Variants in NRXN1 observed in about 807,000 individuals in gnomAD.
NRXN1 encodes the protein neurexin-1.
NRXN1 carries 39 observed loss-of-function variants against 150.9 expected under a neutral mutation model. That is an observed-to-expected ratio of 0.26 (90% CI 0.20 to 0.34). NRXN1 has a LOEUF of 0.34. Among genes scored for constraint, NRXN1 ranks in the 10% least tolerant of loss-of-function variants. NRXN1 has a pLI of 1.00. For missense variants in NRXN1, 1,815 were observed against 1,949.9 expected (o/e 0.93, Z 1.30); for synonymous variants, 924 against 757.0 (o/e 1.22, Z -3.62).
rs1177754351 is a variant in NRXN1 at position 50,091,307 on chromosome 2, A to G, written c.3718+16T>C. ...TTTTCATAAAATCTTCCCCCGATACATATTCACTTGCTTACCTGCAGGGTA... is the reference window on the plus strand; with the variant it reads ...TTTTCATAAAATCTTCCCCCGATACGTATTCACTTGCTTACCTGCAGGGTA... On this transcript the variant is annotated intron_variant, in intron 19 of 22. Coordinates refer to ENST00000401669, the MANE Select transcript of NRXN1 (RefSeq NM_001330078.2). 5.0e-6 allele frequency: 8 copies of G among 1,613,840 alleles called. No individual in the cohort carries two copies. The highest frequency in any genetic ancestry group is 1.3e-5 in the African/African-American group (1 of 74,932).
chr2:50,133,039 T>C (rs749290980), intron 18 of NRXN1, among the ~76,000 whole-genome samples: 2 of 152,080 alleles, frequency 1.3e-5, no homozygotes, highest in African/African-American at 4.8e-5. Flanking sequence ...CCTTAGGAAG[T>C]GCAAGGGAGG....
chr2:49,991,737 C>A (rs556688102), intron 21 of NRXN1, among the ~76,000 whole-genome samples: 1 of 152,136 alleles, frequency 6.6e-6, no homozygotes, highest in African/African-American at 2.4e-5. Flanking sequence ...TGTTGACAAA[C>A]TGATTCTAAA....
rs1675609314 is a variant in NRXN1, at chr2:50,858,573, CT to C, written c.832+63295del. Among the ~76,000 whole-genome samples the C allele has an allele frequency of 2.1e-5, 3 of 139,672 alleles. No individual in the cohort carries two copies. In the South Asian group the frequency reaches 6.5e-4, roughly 30 times the overall value. The allele number at this position is 139,672 out of a possible 152,430, so 91.6% of individuals were successfully genotyped here. Reference sequence around the variant, plus strand: ...AAAAATACCACATATCAAAAGGCTACTTAAAAAAAAAATGCGGGTCTTTGCT... The same window carrying C: ...AAAAATACCACATATCAAAAGGCTACTAAAAAAAAAATGCGGGTCTTTGCT... On this transcript the variant is annotated intron_variant, in intron 5 of 22. Transcript: ENST00000401669.
At chr2:50,411,261 C>G (rs1476691736) in intron 17 of NRXN1, among the ~76,000 whole-genome samples, 1 of 152,164 alleles carries the variant, frequency 6.6e-6, no homozygotes, top group East Asian at 1.9e-4. Context: ...CTCCTGATGG[C>G]GAGTGATCTG....
chr2:50,016,305 C>T (rs993632366), intron 21 of NRXN1, among the ~76,000 whole-genome samples: 1 of 152,042 alleles, frequency 6.6e-6, no homozygotes, highest in Non-Finnish European at 1.5e-5. Flanking sequence ...ACTTAGGGGC[C>T]TTTCTTTGCG....
intron 2 of NRXN1, among the ~76,000 whole-genome samples, chr2:50,935,002 C>G (rs754063794): frequency 6.6e-6 from 1 of 152,086 alleles, no homozygotes; most frequent in Admixed American, 6.6e-5. Context: ...AATCTAATAT[C>G]GTCTTACTCT....
At chr2:49,985,833 AT>A (rs576696397) in intron 21 of NRXN1, among the ~76,000 whole-genome samples, 141 of 152,332 alleles carry the variant, frequency 9.3e-4, no homozygotes, top group African/African-American at 3.4e-3. Context: ...CAAAAAAAAA[AT>A]ATTCACTCAC....
At chr2:50,554,760 A>T (rs2105355467) in intron 8 of NRXN1, among the ~76,000 whole-genome samples, 1 of 152,302 alleles carries the variant, frequency 6.6e-6, no homozygotes, top group Non-Finnish European at 1.5e-5. Flanking sequence ...GTGCCAACTA[A>T]ATAAGTCACA....
chr2:50,602,630 G>C (rs1280411763), intron 8 of NRXN1, among the ~76,000 whole-genome samples: 3 of 151,434 alleles, frequency 2.0e-5, no homozygotes, highest in Non-Finnish European at 4.4e-5. Flanking sequence ...TGCCCCCTTT[G>C]CTCCCTTCTT....
intron 21 of NRXN1, among the ~76,000 whole-genome samples, chr2:50,018,211 G>T (rs1294623282): frequency 6.6e-6 from 1 of 152,060 alleles, no homozygotes. Context: ...TTCCCATAAA[G>T]CACCTCTAGC....
intron 15 of NRXN1, among the ~76,000 whole-genome samples, chr2:50,492,326 G>T (rs2091297650): frequency 6.6e-6 from 1 of 152,146 alleles, no homozygotes; most frequent in African/African-American, 2.4e-5. Flanking sequence ...CCTGAGAATC[G>T]AGCGGTGTCA....
At chr2:50,720,552 T>C (rs1184782622) in intron 5 of NRXN1, among the ~76,000 whole-genome samples, 2 of 152,180 alleles carry the variant, frequency 1.3e-5, no homozygotes, top group Admixed American at 6.5e-5. Flanking sequence ...TGCATTCCTA[T>C]CTACATCAAA....
At chr2:50,447,756 T>C (rs1410868379) in intron 17 of NRXN1, among the ~76,000 whole-genome samples, 1 of 109,018 alleles carries the variant, frequency 9.2e-6, no homozygotes, top group Non-Finnish European at 1.8e-5. Flanking sequence ...TATATATATA[T>C]ATATATATAT....
intron 18 of NRXN1, among the ~76,000 whole-genome samples, 171 bp from the exon 19 acceptor site, chr2:50,091,665 A>G (rs1197583804): frequency 3.3e-5 from 5 of 152,242 alleles, no homozygotes; most frequent in African/African-American, 1.2e-4. Flanking sequence ...ACATCTGGGT[A>G]AATTTAAGAC....
intron 19 of NRXN1, among the ~76,000 whole-genome samples, chr2:50,068,381 A>C (rs1274345041): frequency 8.6e-6 from 1 of 116,154 alleles, no homozygotes; most frequent in Non-Finnish European, 1.9e-5. Flanking sequence ...ATGAATTTAA[A>C]TTCCTAAAAT....
At chr2:50,259,015 A>T (rs1476176250) in intron 17 of NRXN1, among the ~76,000 whole-genome samples, 1 of 152,038 alleles carries the variant, frequency 6.6e-6, no homozygotes, top group Admixed American at 6.6e-5. Context: ...GGCAAAGCAC[A>T]TTTAGCATAA....
chr2:50,423,575 T>G (rs12713100), intron 17 of NRXN1, among the ~76,000 whole-genome samples: 37,677 of 152,016 alleles, frequency 0.25, 5,041 homozygotes, highest in East Asian at 0.39. Context: ...AGCGAGATAT[T>G]AATTTTTTTC....
At chr2:50,744,189 G>T (rs1387526904) in intron 5 of NRXN1, among the ~76,000 whole-genome samples, 1 of 151,992 alleles carries the variant, frequency 6.6e-6, no homozygotes, top group African/African-American at 2.4e-5. Flanking sequence ...TTACAAGAAG[G>T]AATAATAATA....
In NRXN1 at chr2:49,987,310, A is replaced by T. The variant is rs1681094303; in HGVS notation, c.4129-43519T>A. 2.0e-5 allele frequency among the ~76,000 whole-genome samples: 3 copies of T among 152,152 alleles called. No homozygotes were observed. The South Asian group carries it at 6.2e-4, about 32-fold the overall frequency. ...TTTGAAAATAATTTTGACCTCACTG[A>T]AAAGGTCTTACAACACTCCTTTCCC... is the stretch of plus-strand genomic sequence containing the variant. On this transcript the variant is annotated intron_variant, in intron 21 of 22. Transcript: ENST00000401669.
Sources: gnomAD v4.1 joint callset for allele counts (sites outside exome capture counted in the v4.1 genomes callset) on GRCh38, gnomAD v4.1.1 for gene constraint, MANE v1.5 for transcripts, NCBI Gene and HGNC (gene_info 2026-07-23, HGNC 2026-07-21) for gene names.